Variants in CNTN1 observed in about 807,000 individuals in gnomAD.
CNTN1 encodes contactin-1.
In CNTN1, 38 loss-of-function variants were observed where a neutral mutation model predicts 126.4. That is an observed-to-expected ratio of 0.30 (90% CI 0.23 to 0.39). The LOEUF (loss-of-function observed/expected upper bound fraction) is 0.39, where lower values mean the gene tolerates loss of function less well. CNTN1 is among the 10% of genes least tolerant of loss of function. The pLI, the probability that CNTN1 is intolerant of heterozygous loss-of-function variation, is 1.00. For synonymous variants in CNTN1, 413 were observed against 422.6 expected (o/e 0.98, Z 0.28); for missense variants, 1,009 against 1,248.4 (o/e 0.81, Z 2.89).
At chr12:40,852,274 T>C (rs981905572) in intron 1 of CNTN1, among the ~76,000 whole-genome samples, 1 of 152,198 alleles carries the variant, frequency 6.6e-6, no homozygotes, top group African/African-American at 2.4e-5. Flanking sequence ...TTCCTTATAG[T>C]TACTCAGCCA....
At chr12:40,813,038 CCTTT>C (rs72232368) in intron 1 of CNTN1, among the ~76,000 whole-genome samples, 25,000 of 84,748 alleles carry the variant, frequency 0.29, 4,003 homozygotes, top group South Asian at 0.49. Context: ...CTCTTTCTTT[CCTTT>C]CTTTCTTTCT....
At chr12:40,952,165 G>A (rs1046239497) in intron 14 of CNTN1, among the ~76,000 whole-genome samples, 1 of 152,016 alleles carries the variant, frequency 6.6e-6, no homozygotes, top group African/African-American at 2.4e-5. Context: ...CACTACCTTG[G>A]AAACAGCTTG....
At chr12:40,742,998 A>G (rs1938014199) in intron 1 of CNTN1, among the ~76,000 whole-genome samples, 1 of 152,148 alleles carries the variant, frequency 6.6e-6, no homozygotes, top group Non-Finnish European at 1.5e-5. Flanking sequence ...TGAGTTAAAT[A>G]TATGAAAACT....
chr12:41,008,761 T>C (rs569370571), intron 17 of CNTN1, among the ~76,000 whole-genome samples: 1 of 152,216 alleles, frequency 6.6e-6, no homozygotes, highest in Admixed American at 6.5e-5. Flanking sequence ...TAAACATCTC[T>C]CTTTTAAACA....
At chr12:40,733,775 T>C (rs1942554810) in intron 1 of CNTN1, among the ~76,000 whole-genome samples, 1 of 152,098 alleles carries the variant, frequency 6.6e-6, no homozygotes, top group African/African-American at 2.4e-5. Flanking sequence ...TAATGGAATT[T>C]AGAAAGTTTG....
rs557164441 is a variant in CNTN1 at position 40,862,206 on chromosome 12, A to AACACACACAC, written c.-76-46150_-76-46149insCACACACACA. On this transcript the variant is annotated intron_variant, in intron 1 of 23. Transcript: ENST00000551295. ...GTGACAGAGTGAGACCTTGTCTCTTAATACACACACACACACACACACACA... is the reference window on the plus strand; with the variant it reads ...GTGACAGAGTGAGACCTTGTCTCTTAACACACACACATACACACACACACACACACACACA... Among the ~76,000 whole-genome samples the AACACACACAC allele has an allele frequency of 6.5e-3, 615 of 94,192 alleles. 5 individuals carry two copies. Among genetic ancestry groups the AACACACACAC allele is most frequent in the Middle Eastern group, 0.028 (5 of 176 alleles). The allele number at this position is 94,192 out of a possible 152,430, so 61.8% of individuals were successfully genotyped here.
intron 1 of CNTN1, among the ~76,000 whole-genome samples, chr12:40,717,234 G>C (rs1348237786): frequency 6.6e-6 from 1 of 152,114 alleles, no homozygotes; most frequent in South Asian, 2.1e-4. Flanking sequence ...ACAGTCATTT[G>C]TATTAAGCTG....
At chr12:41,057,116 T>TATAA (rs1555206033) in intron 23 of CNTN1, among the ~76,000 whole-genome samples, 30 of 134,256 alleles carry the variant, frequency 2.2e-4, no homozygotes, top group Admixed American at 5.5e-4. Context: ...TTATAAATAT[T>TATAA]ATATTTAGAT....
At chr12:40,915,010 G>A (rs765379891) in intron 3 of CNTN1, among the ~76,000 whole-genome samples, 5 of 151,780 alleles carry the variant, frequency 3.3e-5, no homozygotes, top group Non-Finnish European at 2.9e-5. Context: ...TTCCTTGCTA[G>A]CACCTTTTTC....
At chr12:40,847,303 T>C (rs1482849761) in intron 1 of CNTN1, among the ~76,000 whole-genome samples, 1 of 152,208 alleles carries the variant, frequency 6.6e-6, no homozygotes, top group Non-Finnish European at 1.5e-5. Context: ...CAGGGATCCT[T>C]AGTTTTTTAG....
Position 40,871,186 on chromosome 12 carries a change from GAAAAAAAAAAA to G in CNTN1, c.-76-37153_-76-37143del, listed in dbSNP as rs201485882. Among the ~76,000 whole-genome samples, 653 of 113,530 alleles carry G rather than the reference GAAAAAAAAAAA, an allele frequency of 5.8e-3. 3 individuals carry two copies. Among genetic ancestry groups the G allele is most frequent in the African/African-American group, 0.013 (477 of 35,898 alleles). 74.5% of individuals were successfully genotyped at this position (113,530 alleles called of 152,430 possible). A position where few individuals can be genotyped will look rare whatever the true frequency, so the allele number is the denominator to read the frequency against. Reference sequence around the variant, plus strand: ...AGTAGTGACTTGGATCTGTTACAGAGAAAAAAAAAAAAAAAAAAAAAAAAAAAACAGAAGAA... The same window carrying G: ...AGTAGTGACTTGGATCTGTTACAGAGAAAAAAAAAAAAAAAAACAGAAGAA... On this transcript the variant is annotated intron_variant, in intron 1 of 23. Coordinates refer to ENST00000551295, the MANE Select transcript of CNTN1 (RefSeq NM_001843.4).
intron 15 of CNTN1, among the ~76,000 whole-genome samples, chr12:40,969,991 C>G (rs940420827): frequency 2.6e-5 from 4 of 152,130 alleles, no homozygotes; most frequent in East Asian, 1.9e-4. Flanking sequence ...GCACTCTTAG[C>G]GACTCTCAAT....
Position 40,929,353 on chromosome 12 carries a change from CAA to C in CNTN1, c.497-433_497-432del, listed in dbSNP as rs746133164. Among the ~76,000 whole-genome samples, 195 of 134,964 alleles carry C rather than the reference CAA, an allele frequency of 1.4e-3. 1 individual carries two copies. The highest frequency in any genetic ancestry group is 4.5e-3 in the African/African-American group (176 of 39,208). The allele number at this position is 134,964 out of a possible 152,430, so 88.5% of individuals were successfully genotyped here. ...AAATAGGTGCACACACACACACACA[CAA>C]AAAAAAAAAGATAAAGCAATAATAT... is the stretch of plus-strand genomic sequence containing the variant. On this transcript the variant is annotated intron_variant, in intron 6 of 23. Coordinates refer to ENST00000551295, the MANE Select transcript of CNTN1 (RefSeq NM_001843.4).
chr12:40,773,651 A>ATGTG (rs1939441727), intron 1 of CNTN1, among the ~76,000 whole-genome samples: 1 of 3,508 alleles, frequency 2.9e-4, no homozygotes, highest in Non-Finnish European at 1.4e-3. Context: ...ATATATATAT[A>ATGTG]TATACACATA....
chr12:40,803,552 T>A (rs7970805), intron 1 of CNTN1, among the ~76,000 whole-genome samples: 15,142 of 152,018 alleles, frequency 0.1, 1,318 homozygotes, highest in African/African-American at 0.24. Context: ...CTAGTACAAC[T>A]TTATTTTGAT....
intron 1 of CNTN1, among the ~76,000 whole-genome samples, chr12:40,721,104 T>C (rs1490479051): frequency 6.6e-6 from 1 of 152,164 alleles, no homozygotes; most frequent in Non-Finnish European, 1.5e-5. Flanking sequence ...AATGCATTAG[T>C]TGAATCTCTC....
At chr12:40,705,735 G>T (rs568823088) in intron 1 of CNTN1, among the ~76,000 whole-genome samples, 48 of 152,256 alleles carry the variant, frequency 3.2e-4, no homozygotes, top group Admixed American at 7.9e-4. Context: ...AAGAAAAGAG[G>T]TTTAATTGAC....
At chr12:40,936,027 T>A (rs896424803) in intron 9 of CNTN1, among the ~76,000 whole-genome samples, 3 of 152,120 alleles carry the variant, frequency 2.0e-5, no homozygotes, top group South Asian at 2.1e-4. Flanking sequence ...TGTATTAATT[T>A]ATTTATCTGC....
chr12:40,994,827 A>G (rs190985715), intron 17 of CNTN1, among the ~76,000 whole-genome samples: 1 of 152,152 alleles, frequency 6.6e-6, no homozygotes, highest in East Asian at 1.9e-4. Context: ...CTAAGTTTCT[A>G]TTAGAACTCT....
Sources: gnomAD v4.1 joint callset for allele counts (sites outside exome capture counted in the v4.1 genomes callset) on GRCh38, gnomAD v4.1.1 for gene constraint, MANE v1.5 for transcripts, NCBI Gene and HGNC (gene_info 2026-07-23, HGNC 2026-07-21) for gene names.